The following KCNT2 variants were observed in gnomAD, a reference collection of about 807,000 sequenced individuals.
KCNT2 encodes the protein potassium channel subfamily T member 2.
Under a neutral mutation model 153.8 loss-of-function variants are expected in KCNT2, and 67 were observed. The ratio of observed to expected loss-of-function variants is 0.44; its 90% CI spans 0.36 to 0.53. The LOEUF is 0.53. Among genes scored for constraint, KCNT2 ranks in the 20% least tolerant of loss-of-function variants. KCNT2 has a pLI of 0.00. For missense variants in KCNT2, 975 were observed against 1,354.8 expected (o/e 0.72, Z 4.40); for synonymous variants, 500 against 458.8 (o/e 1.09, Z -1.15).
intron 8 of KCNT2, among the ~76,000 whole-genome samples, chr1:196,437,377 T>A (rs1025239259): frequency 7.1e-6 from 1 of 140,832 alleles, no homozygotes; most frequent in South Asian, 2.1e-4. Flanking sequence ...TATATATTTT[T>A]ATTTATATAT....
At chr1:196,495,565 A>G (rs1208291416) in intron 1 of KCNT2, among the ~76,000 whole-genome samples, 1 of 150,642 alleles carries the variant, frequency 6.6e-6, no homozygotes, top group African/African-American at 2.4e-5. Context: ...CCCTACCTCC[A>G]TCTAACTTTA....
intron 3 of KCNT2, among the ~76,000 whole-genome samples, chr1:196,486,653 T>C (rs1679440913): frequency 1.3e-5 from 2 of 151,708 alleles, no homozygotes; most frequent in South Asian, 4.2e-4. Context: ...CAGGACATAA[T>C]TCATATGAAA....
chr1:196,394,808 A>G (rs1310527741), intron 13 of KCNT2, among the ~76,000 whole-genome samples: 2 of 151,598 alleles, frequency 1.3e-5, no homozygotes, highest in Admixed American at 1.3e-4. Flanking sequence ...TTCCAGCTTC[A>G]CTGCCATTTT....
chr1:196,312,729 T>C (rs146652586), intron 21 of KCNT2, among the ~76,000 whole-genome samples: 15 of 151,918 alleles, frequency 9.9e-5, no homozygotes, highest in African/African-American at 3.4e-4. Context: ...ATTGAGAATA[T>C]TAATGGTGTT....
At chr1:196,481,680 A>C (rs1042431010) in intron 4 of KCNT2, among the ~76,000 whole-genome samples, 10 of 152,204 alleles carry the variant, frequency 6.6e-5, no homozygotes, top group African/African-American at 2.4e-4. Context: ...AAACTTACAA[A>C]AAGTTCACTG....
intron 13 of KCNT2, among the ~76,000 whole-genome samples, chr1:196,381,756 T>C (rs1558220872): frequency 6.6e-6 from 1 of 152,136 alleles, no homozygotes; most frequent in Non-Finnish European, 1.5e-5. Context: ...TACACTGAAC[T>C]GATGACTGAG....
chr1:196,578,607 A>G (rs1335951399), intron 1 of KCNT2, among the ~76,000 whole-genome samples: 1 of 152,202 alleles, frequency 6.6e-6, no homozygotes, highest in Non-Finnish European at 1.5e-5. Context: ...AAGTCCACAC[A>G]TTGCAACTTA....
Position 196,425,890 on chromosome 1 carries a change from T to C in KCNT2, c.1083A>G (p.Gln361=), listed in dbSNP as rs371299301. 9.3e-6 allele frequency: 15 copies of C among 1,612,592 alleles called. No individual in the cohort carries two copies. Among genetic ancestry groups the C allele is most frequent in the Non-Finnish European group, 7.6e-6 (9 of 1,179,022 alleles). ...GGTCTTGATCTTTAAGGGCTGAACC[T>C]TGAAGGTAGATAACTCGTTGGGACC... ...PMWSQRVIYL[Q]GSALKDQDLL... The change falls in exon 11 of 28, where the codon CAA becomes CAG. Residue 361 remains glutamine (Q), a synonymous_variant. Transcript: ENST00000294725.
intron 1 of KCNT2, among the ~76,000 whole-genome samples, chr1:196,564,094 T>C (rs1236326121): frequency 6.6e-6 from 1 of 151,854 alleles, no homozygotes; most frequent in Non-Finnish European, 1.5e-5. Flanking sequence ...AACATGATCT[T>C]ATATATAGAA....
intron 1 of KCNT2, among the ~76,000 whole-genome samples, chr1:196,549,748 TTGAG>T (rs1307236479): frequency 1.3e-5 from 2 of 151,930 alleles, no homozygotes; most frequent in Non-Finnish European, 2.9e-5. Context: ...TCAGATATGT[TTGAG>T]TATTTCTTTT....
intron 14 of KCNT2, among the ~76,000 whole-genome samples, chr1:196,369,605 T>A (rs1243324401): frequency 1.3e-5 from 2 of 152,054 alleles, no homozygotes; most frequent in African/African-American, 4.8e-5. Context: ...GATAGTTTAC[T>A]GAGAATGATG....
intron 27 of KCNT2, among the ~76,000 whole-genome samples, chr1:196,231,334 G>A (rs1036795169): frequency 1.3e-5 from 2 of 151,808 alleles, no homozygotes. Context: ...ACTCTATTGT[G>A]GTAGTCTGGA....
intron 13 of KCNT2, among the ~76,000 whole-genome samples, chr1:196,398,266 A>G (rs1671117348): frequency 6.6e-6 from 1 of 151,460 alleles, no homozygotes; most frequent in East Asian, 1.9e-4. Flanking sequence ...ATTTGTGTCT[A>G]TATTATGCAT....
chr1:196,507,026 G>A (rs1198768999), intron 1 of KCNT2, among the ~76,000 whole-genome samples: 1 of 151,892 alleles, frequency 6.6e-6, no homozygotes, highest in Admixed American at 6.6e-5. Context: ...TTACAAAAAA[G>A]AGATGAGTAA....
intron 3 of KCNT2, 101 bp downstream of exon 3, chr1:196,489,737 C>A: frequency 4.4e-6 from 3 of 675,628 alleles, no homozygotes; most frequent in South Asian, 3.8e-5. Flanking sequence ...CTAAAATACC[C>A]TTAAAAATTA....
chr1:196,236,690 A>AAT (rs1022914453), intron 26 of KCNT2, among the ~76,000 whole-genome samples: 46 of 151,662 alleles, frequency 3.0e-4, no homozygotes, highest in African/African-American at 5.3e-4. Context: ...TTCCTAAAGC[A>AAT]ATATATATAT....
At chr1:196,310,635 C>T (rs1662076234) in intron 21 of KCNT2, among the ~76,000 whole-genome samples, 1 of 151,772 alleles carries the variant, frequency 6.6e-6, no homozygotes, top group South Asian at 2.1e-4. Flanking sequence ...ATTATGACTA[C>T]TTGTGCCAAT....
At chr1:196,230,929 C>T (rs1176428548) in intron 27 of KCNT2, among the ~76,000 whole-genome samples, 2 of 151,908 alleles carry the variant, frequency 1.3e-5, no homozygotes, top group African/African-American at 4.8e-5. Context: ...AAAGAAGTTC[C>T]ACTTCGGGTA....
rs1491115292 is a variant in KCNT2, at chr1:196,329,874, CTT to C, written c.2103+1280_2103+1281del. 7.4e-5 allele frequency among the ~76,000 whole-genome samples: 9 copies of C among 120,938 alleles called. No homozygotes were observed. The East Asian group carries it at 1.9e-3, about 26-fold the overall frequency. The allele number at this position is 120,938 out of a possible 152,430, so 79.3% of individuals were successfully genotyped here. On this transcript the variant is annotated intron_variant, in intron 18 of 27. Coordinates refer to ENST00000294725, the MANE Select transcript of KCNT2 (RefSeq NM_198503.5). Reference sequence around the variant, plus strand: ...ATATGTATATATGTGTATATATACACTTATATGTGTGTGTGTGTGTGTGTGTG... The same window carrying C: ...ATATGTATATATGTGTATATATACACATATGTGTGTGTGTGTGTGTGTGTG...
Sources: allele counts gnomAD v4.1 joint callset (sites outside exome capture counted in the v4.1 genomes callset), GRCh38; gene constraint gnomAD v4.1.1; transcripts MANE v1.5; gene names NCBI Gene and HGNC (gene_info 2026-07-23, HGNC 2026-07-21).